SNRNP48: variants seen among roughly 807,000 people sequenced by gnomAD.
The protein encoded by SNRNP48 is U11/U12 small nuclear ribonucleoprotein 48 kDa protein.
In SNRNP48, 43 loss-of-function variants were observed where a neutral mutation model predicts 47.0. The observed-to-expected ratio is 0.92, with a 90% confidence interval of 0.72 to 1.18. SNRNP48 has a LOEUF of 1.18. Ranked by LOEUF, SNRNP48 falls within the 50% of genes most tolerant of loss-of-function variation. The probability of loss-of-function intolerance (pLI) is 0.00; values close to 1 mark genes in which losing one functional copy is unlikely to be tolerated. For synonymous variants in SNRNP48, 138 were observed against 144.0 expected (o/e 0.96, Z 0.30); for missense variants, 396 against 422.2 (o/e 0.94, Z 0.54).
In SNRNP48 at chr6:7,608,674, T is replaced by C. The variant is rs548012965; in HGVS notation, c.972-151T>C. Reference sequence around the variant, plus strand: ...TGCTTTAAAATTAACTTTGAGTATATGTAAATGATAACCAGAAAATTCTTT... The same window carrying C: ...TGCTTTAAAATTAACTTTGAGTATACGTAAATGATAACCAGAAAATTCTTT... On this transcript the variant is annotated intron_variant, in intron 8 of 8. Transcript: ENST00000342415. 1.8e-5 allele frequency: 7 copies of C among 389,968 alleles called. No homozygotes were observed. In the East Asian group the frequency reaches 2.6e-4, roughly 15 times the overall value. 24.2% of individuals were successfully genotyped at this position (389,968 alleles called of 1,614,324 possible).
At chr6:7,593,127 T>C (rs565091670) in intron 1 of SNRNP48, among the ~76,000 whole-genome samples, 1 of 152,158 alleles carries the variant, frequency 6.6e-6, no homozygotes, top group Non-Finnish European at 1.5e-5. Context: ...GTGAGAGTTG[T>C]AGCTTTGAGA....
Position 7,593,850 on chromosome 6 carries a change from A to G in SNRNP48, c.270+3A>G. 2 of 1,544,774 alleles carry G rather than the reference A, an allele frequency of 1.3e-6. No individual in the cohort carries two copies. The highest frequency in any genetic ancestry group is 8.8e-7 in the Non-Finnish European group (1 of 1,139,790). On this transcript the variant is annotated splice_donor_region_variant and intron_variant, in intron 2 of 8. Transcript: ENST00000342415. Reference sequence around the variant, plus strand: ...TGGGCTATACCAAAGAAGAAGAGGTACCATATATTTACTATATTATATATA... The same window carrying G: ...TGGGCTATACCAAAGAAGAAGAGGTGCCATATATTTACTATATTATATATA...
At chr6:7,605,064 T>C (rs1039144674) in intron 6 of SNRNP48, among the ~76,000 whole-genome samples, 1 of 150,138 alleles carries the variant, frequency 6.7e-6, no homozygotes, top group African/African-American at 2.5e-5. Flanking sequence ...TCTGTACATA[T>C]TTTTTTCCCC....
intron 1 of SNRNP48, among the ~76,000 whole-genome samples, chr6:7,592,197 C>T (rs9505236): frequency 0.27 from 40,335 of 151,646 alleles, 5,614 homozygotes; most frequent in African/African-American, 0.35. Context: ...TTGGCGGGTG[C>T]GGGGAAGAAG....
At chr6:7,594,738 G>C (rs759209950) in intron 3 of SNRNP48, among the ~76,000 whole-genome samples, 6 of 152,336 alleles carry the variant, frequency 3.9e-5, no homozygotes, top group South Asian at 4.1e-4. Context: ...GACCATTACA[G>C]CACAGGCTTC....
Position 7,610,158 on chromosome 6 carries a change from A to C in SNRNP48, c.*1285A>C, listed in dbSNP as rs1353077855. 1 of 152,240 alleles carries C rather than the reference A, an allele frequency of 6.6e-6. No individual in the cohort carries two copies. Among genetic ancestry groups the C allele is most frequent in the South Asian group, 2.1e-4 (1 of 4,834 alleles). The allele number at this position is 152,240 out of a possible 1,614,324, so 9.4% of individuals were successfully genotyped here. A position where few individuals can be genotyped will look rare whatever the true frequency, so the allele number is the denominator to read the frequency against. The stretch of plus-strand genomic sequence containing the variant: ...TGGCATGAAATGTTAAGCATCCGAC[A>C]TCTAAATAGCAATATTTTGAATACT... On this transcript the variant is annotated 3_prime_UTR_variant, in exon 9 of 9. Coordinates refer to ENST00000342415, the MANE Select transcript of SNRNP48 (RefSeq NM_152551.4).
chr6:7,600,212 A>G, intron 4 of SNRNP48: 1 of 986,130 alleles, frequency 1.0e-6, no homozygotes, highest in Non-Finnish European at 1.2e-6. Flanking sequence ...CCATGGCCTC[A>G]GATTCACTGC....
chr6:7,602,831 A>C, intron 6 of SNRNP48, 87 bp downstream of exon 6: 1 of 1,331,558 alleles, frequency 7.5e-7, no homozygotes, highest in African/African-American at 1.5e-5. Context: ...TTCTTTGGAA[A>C]TTTTCTGAAA....
Position 7,602,781 on chromosome 6 carries a change from C to T in SNRNP48, c.717+37C>T, listed in dbSNP as rs781707056. ...ATAATCTTTGTTGATAAGAATTTCC[C>T]TTAGGTAATTTTCTAAATCTGTTCT... On this transcript the variant is annotated intron_variant, in intron 6 of 8. Coordinates refer to ENST00000342415, the MANE Select transcript of SNRNP48 (RefSeq NM_152551.4). 9 of 1,497,210 alleles carry T rather than the reference C, an allele frequency of 6.0e-6. No individual in the cohort carries two copies. In the African/African-American group the frequency reaches 1.1e-4, roughly 19 times the overall value. The allele number at this position is 1,497,210 out of a possible 1,614,324, so 92.7% of individuals were successfully genotyped here.
chr6:7,592,562 C>T (rs1471618877), intron 1 of SNRNP48, among the ~76,000 whole-genome samples: 1 of 152,052 alleles, frequency 6.6e-6, no homozygotes, highest in Non-Finnish European at 1.5e-5. Flanking sequence ...TCTTCACAAT[C>T]ACTTTGTGAG....
At chr6:7,599,576 A>C (rs927881797) in intron 4 of SNRNP48, 1 of 639,020 alleles carries the variant, frequency 1.6e-6, no homozygotes, top group Admixed American at 3.9e-5. Flanking sequence ...AAGTTTATTT[A>C]AGTATGTTTA....
intron 3 of SNRNP48, among the ~76,000 whole-genome samples, chr6:7,594,486 A>T (rs987161091): frequency 1.3e-5 from 2 of 152,206 alleles, no homozygotes; most frequent in African/African-American, 2.4e-5. Context: ...CCAGGGATTG[A>T]CAGCATATAT....
intron 8 of SNRNP48, among the ~76,000 whole-genome samples, chr6:7,607,073 C>T (rs2113724240): frequency 6.6e-6 from 1 of 152,348 alleles, no homozygotes; most frequent in Middle Eastern, 3.4e-3. Context: ...AATCCCTACA[C>T]TGTGGGAGGC....
intron 8 of SNRNP48, among the ~76,000 whole-genome samples, chr6:7,606,932 G>A (rs972860171): frequency 1.3e-5 from 2 of 152,158 alleles, no homozygotes; most frequent in South Asian, 2.1e-4. Context: ...TGAAATGATG[G>A]TCATTTTCCT....
chr6:7,595,347 C>A (rs570604924), intron 4 of SNRNP48, among the ~76,000 whole-genome samples: 2 of 151,470 alleles, frequency 1.3e-5, no homozygotes, highest in Admixed American at 1.3e-4. Context: ...AATTACCTGG[C>A]GATTTATAGG....
At chr6:7,595,418 TTAA>T (rs1486550540) in intron 4 of SNRNP48, among the ~76,000 whole-genome samples, 21 of 152,232 alleles carry the variant, frequency 1.4e-4, no homozygotes, top group African/African-American at 1.9e-4. Flanking sequence ...TGGTCCCAAC[TTAA>T]TGATGATTTA....
At chr6:7,598,562 T>C (rs1461508866) in intron 4 of SNRNP48, among the ~76,000 whole-genome samples, 1 of 152,212 alleles carries the variant, frequency 6.6e-6, no homozygotes, top group Admixed American at 6.5e-5. Flanking sequence ...CAGATTATTT[T>C]TGTGGCTCAC....
intron 1 of SNRNP48, among the ~76,000 whole-genome samples, chr6:7,590,915 CT>C (rs781286516): frequency 1.9e-4 from 29 of 152,288 alleles, no homozygotes; most frequent in Non-Finnish European, 3.4e-4. Context: ...GAGGTCGAGG[CT>C]GCAGTGAGCC....
At position 7,594,128 on chromosome 6, in the gene SNRNP48, T is replaced by A. The variant is rs377226373; in HGVS notation, c.300T>A (p.Tyr100Ter). The stretch of plus-strand genomic sequence containing the variant: ...AAATGTATAATCCTGAGTTTTTCTA[T>A]GAAAATGTGAAGATACCTTCGATTA... ...EDEMYNPEFF[Y>*]ENVKIPSITL... Residue 100 changes from tyrosine to a stop codon, truncating the protein, a stop_gained, in exon 3 of 9, where the codon TAT (tyrosine) becomes TAA (stop). Coordinates refer to ENST00000342415, the MANE Select transcript of SNRNP48 (RefSeq NM_152551.4). LOFTEE classifies it high-confidence loss of function. The A allele has an allele frequency of 1.7e-5, 24 of 1,425,974 alleles. No homozygotes were observed. Among genetic ancestry groups the A allele is most frequent in the Non-Finnish European group, 2.1e-5 (22 of 1,051,484 alleles). 88.3% of individuals were successfully genotyped at this position (1,425,974 alleles called of 1,614,324 possible).
Sources: gnomAD v4.1 joint callset for allele counts (sites outside exome capture counted in the v4.1 genomes callset) on GRCh38, gnomAD v4.1.1 for gene constraint, MANE v1.5 for transcripts, NCBI Gene and HGNC (gene_info 2026-07-23, HGNC 2026-07-21) for gene names.